The following HIVEP3 variants were observed in gnomAD, a reference collection of about 807,000 sequenced individuals.
The protein encoded by HIVEP3 is transcription factor HIVEP3.
Under a neutral mutation model 152.8 loss-of-function variants are expected in HIVEP3, and 49 were observed. That is an observed-to-expected ratio of 0.32 (90% CI 0.26 to 0.41). The LOEUF (loss-of-function observed/expected upper bound fraction) is 0.41, where lower values mean the gene tolerates loss of function less well. Ranked by LOEUF, HIVEP3 falls within the 10% of genes least tolerant of loss-of-function variation. The pLI, the probability that HIVEP3 is intolerant of heterozygous loss-of-function variation, is 1.00. For missense variants in HIVEP3, 2,790 were observed against 3,103.3 expected (o/e 0.90, Z 2.40); for synonymous variants, 1,269 against 1,289.0 (o/e 0.98, Z 0.33).
rs575845330 is a variant in HIVEP3 at position 41,599,415 on chromosome 1, T to A, written c.-521-14097A>T. Among the ~76,000 whole-genome samples the A allele has an allele frequency of 5.9e-5, 9 of 152,302 alleles. No homozygotes were observed. The East Asian group carries it at 1.7e-3, about 29-fold the overall frequency. ...TAATCATAAAGGAGAGAAGCTAAAT[T>A]GTGCTTCATTAAAATTTAAAACTTC... is the stretch of plus-strand genomic sequence containing the variant. On this transcript the variant is annotated intron_variant, in intron 3 of 8. Coordinates refer to ENST00000372583, the MANE Select transcript of HIVEP3 (RefSeq NM_024503.5).
intron 1 of HIVEP3, among the ~76,000 whole-genome samples, chr1:41,770,042 C>G (rs1272126913): frequency 6.6e-6 from 1 of 152,218 alleles, no homozygotes; most frequent in African/African-American, 2.4e-5. Context: ...GATCTTGGCT[C>G]ACTGCAAGCT....
chr1:41,875,009 C>A (rs979745874), intron 1 of HIVEP3, among the ~76,000 whole-genome samples: 2 of 152,210 alleles, frequency 1.3e-5, no homozygotes, highest in African/African-American at 2.4e-5. Context: ...GGAAGGACCA[C>A]ATCAATGAAC....
At chr1:41,694,696 A>G (rs972247692) in intron 2 of HIVEP3, among the ~76,000 whole-genome samples, 1 of 152,208 alleles carries the variant, frequency 6.6e-6, no homozygotes, top group Non-Finnish European at 1.5e-5. Flanking sequence ...GCAACAGGGC[A>G]CTTCTCAGGC....
chr1:41,634,712 A>G (rs1010747086), intron 2 of HIVEP3, among the ~76,000 whole-genome samples: 1 of 152,232 alleles, frequency 6.6e-6, no homozygotes, highest in Non-Finnish European at 1.5e-5. Flanking sequence ...TTAATATCAG[A>G]CAAAATGCAA....
chr1:42,034,833 A>T (rs964309532), intron 1 of HIVEP3, among the ~76,000 whole-genome samples: 1 of 152,184 alleles, frequency 6.6e-6, no homozygotes, highest in Non-Finnish European at 1.5e-5. Context: ...GAAGAAAACC[A>T]AATAACCCAC....
chr1:42,022,598 T>C (rs948580767), intron 1 of HIVEP3, among the ~76,000 whole-genome samples: 3 of 152,238 alleles, frequency 2.0e-5, no homozygotes, highest in Admixed American at 6.5e-5. Flanking sequence ...TATATTTCTA[T>C]ATATTCTTCT....
At chr1:41,681,859 G>A (rs1401897082) in intron 2 of HIVEP3, among the ~76,000 whole-genome samples, 3 of 152,118 alleles carry the variant, frequency 2.0e-5, no homozygotes, top group Non-Finnish European at 4.4e-5. Flanking sequence ...TGTTCTTTCT[G>A]ACTATGTGCA....
chr1:41,623,893 C>A (rs1458128042), intron 3 of HIVEP3, among the ~76,000 whole-genome samples: 1 of 61,718 alleles, frequency 1.6e-5, no homozygotes, highest in Non-Finnish European at 2.7e-5. Context: ...AGGCTCTCTG[C>A]ATGCCGATCA....
At chr1:41,545,626 CCACCACCAT>C (rs1172617466) in intron 5 of HIVEP3, among the ~76,000 whole-genome samples, 7 of 127,380 alleles carry the variant, frequency 5.5e-5, no homozygotes, top group African/African-American at 9.8e-5. Flanking sequence ...ACTACCATCA[CCACCACCAT>C]CACCACCATC....
chr1:41,688,821 G>A (rs1486734401), intron 2 of HIVEP3, among the ~76,000 whole-genome samples: 1 of 144,450 alleles, frequency 6.9e-6, no homozygotes, highest in African/African-American at 2.5e-5. Context: ...AAACGGATCT[G>A]TTTTTTTTTT....
At chr1:41,948,276 G>C (rs1645085888) in intron 1 of HIVEP3, among the ~76,000 whole-genome samples, 1 of 152,218 alleles carries the variant, frequency 6.6e-6, no homozygotes. Flanking sequence ...CCTCACTCGG[G>C]CACTAGAATT....
chr1:42,024,298 A>G (rs1010051905), intron 1 of HIVEP3, among the ~76,000 whole-genome samples: 1 of 152,082 alleles, frequency 6.6e-6, no homozygotes, highest in East Asian at 1.9e-4. Context: ...TTTAATCACA[A>G]TCTCTACTTT....
At position 41,705,798 on chromosome 1, in the gene HIVEP3, G is replaced by GA. The variant is rs545786849; in HGVS notation, c.-800-4804dup. Among the ~76,000 whole-genome samples the GA allele has an allele frequency of 1.1e-4, 16 of 152,082 alleles. No individual in the cohort carries two copies. The East Asian group carries it at 2.5e-3, about 24-fold the overall frequency. On this transcript the variant is annotated intron_variant, in intron 1 of 8. Transcript: ENST00000372583. ...CCCAATTCCCAGAAAGACAGTCTAA[G>GA]AAAAAAAATTCTAAGCAAGTTCCAT...
chr1:41,512,829 C>T lies in HIVEP3; in HGVS notation c.6392G>A (p.Cys2131Tyr). The change falls in exon 8 of 9, where the codon TGC becomes TAC. Residue 2131 changes from cysteine to tyrosine, a missense_variant. Physicochemically the swap from Cys to Tyr is radical, Grantham distance 194 (BLOSUM62 -2). Transcript: ENST00000372583. ...HKLLSRSPET[C>Y]ASPWQKAESR... Reference sequence around the variant, plus strand: ...GCAGGAACTCACCCACGGGGAGGCGCAGGTCTCTGGGCTTCTGCTGAGGAG... The same window carrying T: ...GCAGGAACTCACCCACGGGGAGGCGTAGGTCTCTGGGCTTCTGCTGAGGAG... 6.6e-7 allele frequency: 1 copy of T among 1,509,538 alleles called. No homozygotes were observed. Among genetic ancestry groups the T allele is most frequent in the Non-Finnish European group, 8.9e-7 (1 of 1,124,122 alleles). The allele number at this position is 1,509,538 out of a possible 1,614,324, so 93.5% of individuals were successfully genotyped here.
intron 1 of HIVEP3, among the ~76,000 whole-genome samples, chr1:42,033,083 G>T (rs770954002): frequency 8.5e-5 from 13 of 152,074 alleles, no homozygotes; most frequent in Non-Finnish European, 1.8e-4. Flanking sequence ...TTATCCACTG[G>T]ATACATGGTG....
intron 2 of HIVEP3, among the ~76,000 whole-genome samples, chr1:41,681,089 G>GGT (rs35572259): frequency 0.014 from 2,060 of 148,286 alleles, 17 homozygotes; most frequent in South Asian, 0.049. Context: ...GCTAAGAACT[G>GGT]GTGTGTGTGT....
At chr1:41,770,609 C>G (rs956290743) in intron 1 of HIVEP3, among the ~76,000 whole-genome samples, 1 of 152,168 alleles carries the variant, frequency 6.6e-6, no homozygotes, top group African/African-American at 2.4e-5. Context: ...CCATATTTTC[C>G]CTCAAAGTCC....
At chr1:42,001,058 C>T (rs1645425347) in intron 1 of HIVEP3, among the ~76,000 whole-genome samples, 1 of 152,172 alleles carries the variant, frequency 6.6e-6, no homozygotes. Flanking sequence ...AGAGAGGTCA[C>T]ACCACATTTA....
chr1:41,797,396 G>C (rs1437245268), intron 1 of HIVEP3, among the ~76,000 whole-genome samples: 2 of 152,178 alleles, frequency 1.3e-5, no homozygotes, highest in African/African-American at 2.4e-5. Context: ...AGCAGTCCTG[G>C]CTTAAATTCT....
Sources: gnomAD v4.1 joint callset for allele counts (sites outside exome capture counted in the v4.1 genomes callset) on GRCh38, gnomAD v4.1.1 for gene constraint, MANE v1.5 for transcripts, NCBI Gene and HGNC (gene_info 2026-07-23, HGNC 2026-07-21) for gene names.